Variants in OGDHL observed in about 807,000 individuals in gnomAD.
OGDHL encodes oxoglutarate dehydrogenase L.
In OGDHL, 79 loss-of-function variants were observed where a neutral mutation model predicts 109.6. The ratio of observed to expected loss-of-function variants is 0.72; its 90% CI spans 0.60 to 0.87. The LOEUF (loss-of-function observed/expected upper bound fraction) is 0.87. Among genes scored for constraint, OGDHL ranks in the 40% least tolerant of loss-of-function variants. OGDHL has a pLI of 0.00. For missense variants in OGDHL, 1,275 were observed against 1,362.2 expected (o/e 0.94, Z 1.01); for synonymous variants, 528 against 537.2 (o/e 0.98, Z 0.24).
rs200722523 is a variant in OGDHL at position 49,735,200 on chromosome 10, G to T, written c.*28C>A. ...CCCCTTGGTCCCCAGCAAACCCACAGCGAGACCTACACAGGTTTTGCCCAG... is the reference window on the plus strand; with the variant it reads ...CCCCTTGGTCCCCAGCAAACCCACATCGAGACCTACACAGGTTTTGCCCAG... On this transcript the variant is annotated 3_prime_UTR_variant, in exon 23 of 23. Transcript: ENST00000374103. 32 of 1,521,578 alleles carry T rather than the reference G, an allele frequency of 2.1e-5. No homozygotes were observed. In the Middle Eastern group the frequency reaches 8.6e-4, roughly 41 times the overall value. 94.3% of individuals were successfully genotyped at this position (1,521,578 alleles called of 1,614,324 possible). A position where few individuals can be genotyped will look rare whatever the true frequency, so the allele number is the denominator to read the frequency against.
Position 49,752,864 on chromosome 10 carries a change from G to A in OGDHL, c.376-124C>T. ...GAATGTTAAGCTTCCCCATGTCTCT[G>A]CCCCGCGGCTACTTCACTGCTGCCT... On this transcript the variant is annotated intron_variant, in intron 3 of 22. Coordinates refer to ENST00000374103, the MANE Select transcript of OGDHL (RefSeq NM_018245.3). The A allele has an allele frequency of 7.4e-6, 5 of 672,826 alleles. No individual in the cohort carries two copies. In the Admixed American group the frequency reaches 1.4e-4, roughly 19 times the overall value. 41.7% of individuals were successfully genotyped at this position (672,826 alleles called of 1,614,324 possible). A position where few individuals can be genotyped will look rare whatever the true frequency, so the allele number is the denominator to read the frequency against.
chr10:49,745,800 G>A lies in OGDHL; in HGVS notation c.1474C>T (p.Leu492=). ...TTGGCCTCAGTCCCCAGACCCACCA[G>A]GTCCACGACAACATCTTTGTTGAAA... ...NTFNKDVVVD[L]VCYRRRGHNE... The change falls in exon 11 of 23, where the codon CTG becomes TTG. Residue 492 remains leucine (L), a splice_region_variant and synonymous_variant. Transcript: ENST00000374103. 6.2e-7 allele frequency: 1 copy of A among 1,613,828 alleles called. No homozygotes were observed. The highest frequency in any genetic ancestry group is 8.5e-7 in the Non-Finnish European group (1 of 1,179,770).
chr10:49,751,607 G>C (rs1336322626), intron 6 of OGDHL, among the ~76,000 whole-genome samples: 1 of 152,196 alleles, frequency 6.6e-6, no homozygotes, highest in Non-Finnish European at 1.5e-5. Flanking sequence ...TGTTCTCCTA[G>C]AGCCTCATCC....
At chr10:49,753,823 G>C (rs1027501989) in intron 3 of OGDHL, among the ~76,000 whole-genome samples, 3 of 151,316 alleles carry the variant, frequency 2.0e-5, no homozygotes, top group African/African-American at 7.3e-5. Context: ...CTGGGAAGTG[G>C]AGGCTGCAGT....
In OGDHL at chr10:49,735,186, C is replaced by T; in HGVS notation, c.*42G>A. 6.5e-7 allele frequency: 1 copy of T among 1,533,696 alleles called. No homozygotes were observed. The highest frequency in any genetic ancestry group is 2.3e-5 in the East Asian group (1 of 42,984). On this transcript the variant is annotated 3_prime_UTR_variant, in exon 23 of 23. Transcript: ENST00000374103. ...CCCCTTTTCATCACCCCCTTGGTCC[C>T]CAGCAAACCCACAGCGAGACCTACA...
chr10:49,755,572 C>T (rs1019177210), intron 3 of OGDHL, among the ~76,000 whole-genome samples: 4 of 151,766 alleles, frequency 2.6e-5, no homozygotes, highest in Non-Finnish European at 4.4e-5. Context: ...TTTTTTTCAG[C>T]ACAGTGTGCA....
At chr10:49,752,044 T>C (rs1842634832) in intron 5 of OGDHL, 63 bp from the exon 6 acceptor site, 1 of 1,610,780 alleles carries the variant, frequency 6.2e-7, no homozygotes, top group African/African-American at 1.3e-5. Flanking sequence ...ATCCCTGCTG[T>C]CTAGAACAAA....
chr10:49,748,646 A>ACT (rs1842363464), intron 8 of OGDHL, among the ~76,000 whole-genome samples: 2 of 151,804 alleles, frequency 1.3e-5, no homozygotes, highest in African/African-American at 4.8e-5. Flanking sequence ...TCCCTGTTTT[A>ACT]TGGAAGAGCA....
chr10:49,739,728 G>A lies in OGDHL; in HGVS notation c.2252C>T (p.Thr751Ile). Residue 751 changes from threonine (T) to isoleucine (I), a missense_variant, in exon 17 of 23, where the codon ACC (threonine) becomes ATC (isoleucine). Thr to Ile is a moderately conservative substitution (Grantham distance 89). Transcript: ENST00000374103. ...ATGCCGCACCCACTTGGCCTGGCCGGTGCTGATGAACTGGTCGATGATGCA... is the reference window on the plus strand; with the variant it reads ...ATGCCGCACCCACTTGGCCTGGCCGATGCTGATGAACTGGTCGATGATGCA... The part of the protein sequence containing the change: ...AQCIIDQFIS[T>I]GQAKWVRHNG... 6.2e-7 allele frequency: 1 copy of A among 1,614,162 alleles called. No homozygotes were observed. Among genetic ancestry groups the A allele is most frequent in the Non-Finnish European group, 8.5e-7 (1 of 1,180,004 alleles).
At chr10:49,753,583 C>T (rs1226556541) in intron 3 of OGDHL, among the ~76,000 whole-genome samples, 2 of 152,038 alleles carry the variant, frequency 1.3e-5, no homozygotes, top group Non-Finnish European at 2.9e-5. Context: ...ACCAGTCAGT[C>T]GTAATAGTGT....
chr10:49,741,666 T>G (rs568972221), intron 15 of OGDHL, among the ~76,000 whole-genome samples: 180 of 145,060 alleles, frequency 1.2e-3, no homozygotes, highest in African/African-American at 4.4e-3. Context: ...TACATACACA[T>G]GCCACACATA....
rs1173067459 is a variant in OGDHL at position 49,738,029 on chromosome 10, T to C, written c.2435A>G (p.Asn812Ser). ...TGTGGAGCAGTTGACCACGATCCAG[T>C]TGCAGTCATAGAGCTGGCTCACCTC... ...DFEVSQLYDC[N>S]WIVVNCSTPA... is the part of the protein sequence containing the mutation. The change falls in exon 19 of 23, where the codon AAC (asparagine) becomes AGC (serine). Residue 812 changes from asparagine (N) to serine (S), a missense_variant. Asn to Ser is a conservative substitution (Grantham distance 46, BLOSUM62 1). Coordinates refer to ENST00000374103, the MANE Select transcript of OGDHL (RefSeq NM_018245.3). The C allele has an allele frequency of 2.5e-6, 4 of 1,614,156 alleles. No homozygotes were observed. Among genetic ancestry groups the C allele is most frequent in the African/African-American group, 1.3e-5 (1 of 75,040 alleles).
At chr10:49,746,632 G>T in intron 10 of OGDHL, 118 bp downstream of exon 10, 3 of 1,339,490 alleles carry the variant, frequency 2.2e-6, no homozygotes, top group South Asian at 1.4e-5. Flanking sequence ...GGTCCTGCCT[G>T]GTAAGCAGCA....
chr10:49,736,224 G>A (rs761110550), intron 21 of OGDHL, 47 bp from the exon 22 acceptor site: 2 of 1,570,702 alleles, frequency 1.3e-6, no homozygotes, highest in South Asian at 1.2e-5. Context: ...GGGGCGGTAT[G>A]TCCCCAGCAC....
Position 49,743,055 on chromosome 10 carries a change from C to A in OGDHL, c.1862-77G>T, listed in dbSNP as rs531301161. 64 of 1,530,220 alleles carry A rather than the reference C, an allele frequency of 4.2e-5. No individual in the cohort carries two copies. In the East Asian group the frequency reaches 1.4e-3, roughly 33 times the overall value. The allele number at this position is 1,530,220 out of a possible 1,614,324, so 94.8% of individuals were successfully genotyped here. ...CGGGTAGGTAGGTGCTCAGCACACA[C>A]CCCGCACAAAGCAGGGCAGCCATCT... On this transcript the variant is annotated intron_variant, in intron 14 of 22. Coordinates refer to ENST00000374103, the MANE Select transcript of OGDHL (RefSeq NM_018245.3).
chr10:49,741,847 A>G (rs1260823596), intron 15 of OGDHL, among the ~76,000 whole-genome samples: 3 of 146,370 alleles, frequency 2.0e-5, no homozygotes, highest in East Asian at 4.0e-4. Context: ...ATGCACACAC[A>G]CCAAACACCA....
At position 49,751,966 on chromosome 10, in the gene OGDHL, G is replaced by A. The variant is rs766925375; in HGVS notation, c.610C>T (p.His204Tyr). The A allele has an allele frequency of 3.1e-6, 5 of 1,614,212 alleles. No homozygotes were observed. The highest frequency in any genetic ancestry group is 1.3e-5 in the African/African-American group (1 of 75,054). The change falls in exon 6 of 23, where the codon CAC (histidine) becomes TAC (tyrosine). Residue 204 changes from histidine (H) to tyrosine (Y), a missense_variant. Physicochemically the swap from His to Tyr is moderately conservative, Grantham distance 83. Transcript: ENST00000374103. Reference sequence around the variant, plus strand: ...ATGAACATGAACTCCAGGCCAATGTGCTGGCAGTAGGTGTTCTGGGGAGAC... The same window carrying A: ...ATGAACATGAACTCCAGGCCAATGTACTGGCAGTAGGTGTTCTGGGGAGAC... Reference protein sequence around the residue: ...IRRLENTYCQHIGLEFMFIND... With the variant: ...IRRLENTYCQYIGLEFMFIND...
chr10:49,752,762 G>A (rs968021886), intron 3 of OGDHL, 22 bp from the exon 4 acceptor site: 1 of 1,573,930 alleles, frequency 6.4e-7, no homozygotes, highest in Non-Finnish European at 8.7e-7. Context: ...GAAAAGAGCA[G>A]GGTGGGGCTG....
At chr10:49,752,450 C>T (rs1175748234) in intron 4 of OGDHL, among the ~76,000 whole-genome samples, 188 bp downstream of exon 4, 2 of 152,190 alleles carry the variant, frequency 1.3e-5, no homozygotes, top group Non-Finnish European at 2.9e-5. Flanking sequence ...GGGGCACAAG[C>T]TAGGGAAAGT....
Sources: allele counts gnomAD v4.1 joint callset (sites outside exome capture counted in the v4.1 genomes callset), GRCh38; gene constraint gnomAD v4.1.1; transcripts MANE v1.5; gene names NCBI Gene and HGNC (gene_info 2026-07-23, HGNC 2026-07-21).